Variants in LARGE1 observed in about 807,000 individuals in gnomAD.
LARGE1 encodes the protein xylosyl- and glucuronyltransferase LARGE1.
In LARGE1, 43 loss-of-function variants were observed where a neutral mutation model predicts 87.6. The ratio of observed to expected loss-of-function variants is 0.49; its 90% CI spans 0.38 to 0.63. The LOEUF (loss-of-function observed/expected upper bound fraction) is 0.63. LARGE1 is among the 30% of genes least tolerant of loss of function. The probability of loss-of-function intolerance (pLI) is 0.00; values close to 1 mark genes in which losing one functional copy is unlikely to be tolerated. For synonymous variants in LARGE1, 434 were observed against 394.6 expected, an observed-to-expected ratio of 1.10 and a Z score of -1.18; for missense variants, 802 against 1,000.2, an observed-to-expected ratio of 0.80 and a Z score of 2.67.
At chr22:33,542,372 ACT>A (rs1379895217) in intron 6 of LARGE1, among the ~76,000 whole-genome samples, 1 of 150,950 alleles carries the variant, frequency 6.6e-6, no homozygotes, top group Non-Finnish European at 1.5e-5. Context: ...ATTCTTCCTC[ACT>A]CTGTGTCTCC....
intron 6 of LARGE1, among the ~76,000 whole-genome samples, chr22:33,456,255 T>C (rs2068126153): frequency 6.6e-6 from 1 of 152,202 alleles, no homozygotes; most frequent in African/African-American, 2.4e-5. Flanking sequence ...TGCCAATTAT[T>C]GCATAGCTGT....
At chr22:33,845,849 C>T (rs144237132) in intron 1 of LARGE1, among the ~76,000 whole-genome samples, 2 of 152,218 alleles carry the variant, frequency 1.3e-5, no homozygotes, top group Non-Finnish European at 2.9e-5. Flanking sequence ...GAAGCAAATC[C>T]GCGATATACT....
At chr22:33,266,172 C>G (rs1418399012) in intron 11 of LARGE1, among the ~76,000 whole-genome samples, 1 of 147,314 alleles carries the variant, frequency 6.8e-6, no homozygotes, top group Non-Finnish European at 1.5e-5. Context: ...AGAATGAAAG[C>G]AAACATGAGC....
chr22:33,458,110 C>CTT (rs571847420), intron 6 of LARGE1, among the ~76,000 whole-genome samples: 12 of 142,048 alleles, frequency 8.4e-5, no homozygotes, highest in Non-Finnish European at 1.4e-4. Context: ...TAATTTTTTT[C>CTT]TTTTTTTTTT....
chr22:33,372,909 T>C (rs2064867198), intron 9 of LARGE1, among the ~76,000 whole-genome samples: 1 of 152,136 alleles, frequency 6.6e-6, no homozygotes, highest in South Asian at 2.1e-4. Flanking sequence ...GAGAGTAATA[T>C]GAAGAAAGTT....
chr22:33,894,155 T>C (rs2065074660), intron 1 of LARGE1, among the ~76,000 whole-genome samples: 1 of 151,988 alleles, frequency 6.6e-6, no homozygotes, highest in Admixed American at 6.5e-5. Flanking sequence ...GCCCTGCCCT[T>C]ATCCTAAGGC....
chr22:33,159,611 G>A (rs1921959653), downstream of LARGE1, among the ~76,000 whole-genome samples: 1 of 147,998 alleles, frequency 6.8e-6, no homozygotes, highest in South Asian at 2.1e-4. Context: ...TGGAGATGGA[G>A]TCTTTCTCTG....
chr22:33,481,012 A>G (rs2148199026), intron 6 of LARGE1, among the ~76,000 whole-genome samples: 1 of 152,194 alleles, frequency 6.6e-6, no homozygotes, highest in East Asian at 1.9e-4. Flanking sequence ...AAATTTCCTC[A>G]TCATAAATAA....
At chr22:33,250,308 T>A (rs1372120470) in intron 11 of LARGE1, among the ~76,000 whole-genome samples, 1 of 152,220 alleles carries the variant, frequency 6.6e-6, no homozygotes, top group East Asian at 1.9e-4. Flanking sequence ...GTTTTTAATT[T>A]AAAATCCCAC....
chr22:33,116,052 C>T, the LARGE1 span, among the ~76,000 whole-genome samples: 11 of 152,126 alleles, frequency 7.2e-5, no homozygotes, highest in Non-Finnish European at 1.3e-4. Context: ...AAAACTAATA[C>T]ACTAGGTGTC....
intron 10 of LARGE1, among the ~76,000 whole-genome samples, chr22:33,331,493 T>C (rs1161474616): frequency 1.3e-5 from 2 of 151,376 alleles, no homozygotes; most frequent in Admixed American, 1.3e-4. Context: ...CTGCATCCTC[T>C]GCCTCCCAGG....
rs912139787 is a variant in LARGE1, at chr22:33,385,662, T to C, written c.893-1358A>G. ...GCTGAATGGCTGAGAAGCAACTATCTACCATCAGGTCAGTTAGAGCAAGCA... is the reference window on the plus strand; with the variant it reads ...GCTGAATGGCTGAGAAGCAACTATCCACCATCAGGTCAGTTAGAGCAAGCA... On this transcript the variant is annotated intron_variant, in intron 7 of 14. Transcript: ENST00000397394. Among the ~76,000 whole-genome samples the C allele has an allele frequency of 4.1e-5, 6 of 146,680 alleles. 1 individual carries two copies. The highest frequency in any genetic ancestry group is 7.6e-5 in the Non-Finnish European group (5 of 65,994).
chr22:33,480,656 T>C (rs1555929220), intron 6 of LARGE1, among the ~76,000 whole-genome samples: 1 of 151,922 alleles, frequency 6.6e-6, no homozygotes. Flanking sequence ...TTTCTGATGA[T>C]AAAACAAAAA....
At chr22:33,348,212 A>T (rs1362157254) in intron 9 of LARGE1, among the ~76,000 whole-genome samples, 1 of 151,796 alleles carries the variant, frequency 6.6e-6, no homozygotes, top group Non-Finnish European at 1.5e-5. Flanking sequence ...GGTTGCGATG[A>T]GCCAAGATTG....
At chr22:33,113,419 C>T in the LARGE1 span, among the ~76,000 whole-genome samples, 4 of 152,174 alleles carry the variant, frequency 2.6e-5, no homozygotes, top group African/African-American at 9.7e-5. Flanking sequence ...GTTGGTCAGG[C>T]TGGTCTCGAA....
intron 10 of LARGE1, among the ~76,000 whole-genome samples, chr22:33,322,316 A>AT (rs1252509920): frequency 6.6e-6 from 1 of 152,066 alleles, no homozygotes; most frequent in African/African-American, 2.4e-5. Context: ...GTTAACAAAG[A>AT]TTTTCTGAGT....
chr22:33,303,871 C>T (rs1934505646), intron 12 of LARGE1, among the ~76,000 whole-genome samples: 1 of 152,098 alleles, frequency 6.6e-6, no homozygotes, highest in South Asian at 2.1e-4. Flanking sequence ...GATCCACCTG[C>T]CTCAGCCTCC....
chr22:33,668,914 G>A (rs769370246), intron 2 of LARGE1, among the ~76,000 whole-genome samples: 3 of 152,172 alleles, frequency 2.0e-5, no homozygotes, highest in East Asian at 1.9e-4. Flanking sequence ...ATCCTCCCTC[G>A]CAATAATGGA....
Position 33,833,963 on chromosome 22 carries a change from G to A in LARGE1, c.-82-72405C>T, listed in dbSNP as rs537509109. 5.3e-5 allele frequency among the ~76,000 whole-genome samples: 8 copies of A among 152,094 alleles called. No individual in the cohort carries two copies. In the East Asian group the frequency reaches 1.4e-3, roughly 26 times the overall value. ...CAGCCTCCCAAAGTACTGGGATTAC[G>A]TGCAATGAGCCACCATGCCCAGCTC... On this transcript the variant is annotated intron_variant, in intron 1 of 14. Transcript: ENST00000397394.
Sources: allele counts gnomAD v4.1 joint callset (sites outside exome capture counted in the v4.1 genomes callset), GRCh38; gene constraint gnomAD v4.1.1; transcripts MANE v1.5; gene names NCBI Gene and HGNC (gene_info 2026-07-23, HGNC 2026-07-21).